Variants in CSMD1 observed in about 807,000 individuals in gnomAD.
The protein encoded by CSMD1 is CUB and Sushi multiple domains 1, also known as CUB and sushi domain-containing protein 1.
CSMD1 carries 213 observed loss-of-function variants against 417.5 expected under a neutral mutation model. That is an observed-to-expected ratio of 0.51 (90% CI 0.46 to 0.57). The LOEUF (loss-of-function observed/expected upper bound fraction) is 0.57. CSMD1 is among the 20% of genes least tolerant of loss of function. CSMD1 has a pLI of 0.00. For synonymous variants in CSMD1, 2,862 were observed against 1,736.8 expected, an observed-to-expected ratio of 1.65 and a Z score of -16.11; for missense variants, 6,923 against 4,529.7, an observed-to-expected ratio of 1.53 and a Z score of -15.17.
chr8:3,477,018 G>A (rs868237026), intron 11 of CSMD1, among the ~76,000 whole-genome samples: 2 of 152,068 alleles, frequency 1.3e-5, no homozygotes, highest in Non-Finnish European at 2.9e-5. Context: ...TGAAGGGAAT[G>A]TTCTGTGTTC....
rs181652794 is a variant in CSMD1, at chr8:4,952,883, C to G, written c.85+41449G>C. Among the ~76,000 whole-genome samples the G allele has an allele frequency of 1.0e-3, 153 of 152,150 alleles. 1 individual carries two copies. The highest frequency in any genetic ancestry group is 3.5e-3 in the African/African-American group (145 of 41,530). ...TGGATGTAGACTGTGATGTTGTTAA[C>G]AAATGTTTTTGAATGAAATCTATAC... On this transcript the variant is annotated intron_variant, in intron 1 of 69. Coordinates refer to ENST00000635120, the MANE Select transcript of CSMD1 (RefSeq NM_033225.6).
intron 10 of CSMD1, among the ~76,000 whole-genome samples, chr8:3,562,009 G>T (rs796233084): frequency 7.9e-5 from 12 of 152,186 alleles, no homozygotes; most frequent in African/African-American, 2.9e-4. Flanking sequence ...CTTTGTGAAG[G>T]AGGAGTCCTG....
chr8:4,977,633 C>T (rs1192407116), intron 1 of CSMD1, among the ~76,000 whole-genome samples: 1 of 152,204 alleles, frequency 6.6e-6, no homozygotes, highest in Non-Finnish European at 1.5e-5. Context: ...CAGCTGCTGC[C>T]TTACCCCACG....
intron 1 of CSMD1, among the ~76,000 whole-genome samples, chr8:4,982,943 T>C (rs1433609377): frequency 6.6e-6 from 1 of 152,166 alleles, no homozygotes; most frequent in Non-Finnish European, 1.5e-5. Flanking sequence ...AATCCTCTAA[T>C]GTAATTCTTT....
chr8:3,065,652 C>T (rs143732393), intron 49 of CSMD1, among the ~76,000 whole-genome samples: 1,787 of 152,158 alleles, frequency 0.012, 40 homozygotes, highest in African/African-American at 0.04. Context: ...TAAAAAATGA[C>T]AGATTGATTG....
At chr8:4,071,692 A>C (rs1440419390) in intron 3 of CSMD1, among the ~76,000 whole-genome samples, 1 of 152,114 alleles carries the variant, frequency 6.6e-6, no homozygotes, top group East Asian at 1.9e-4. Context: ...AATTTGGTTT[A>C]TTTTTGGAGA....
chr8:3,811,433 C>T (rs749991173), intron 5 of CSMD1, among the ~76,000 whole-genome samples: 1 of 152,156 alleles, frequency 6.6e-6, no homozygotes, highest in Non-Finnish European at 1.5e-5. Context: ...GTTCGACTTA[C>T]TGGGAGTGGG....
chr8:3,499,585 T>TCAAGA (rs1437527689), intron 10 of CSMD1, among the ~76,000 whole-genome samples: 1 of 151,972 alleles, frequency 6.6e-6, no homozygotes, highest in Non-Finnish European at 1.5e-5. Flanking sequence ...GGGTGCTTGT[T>TCAAGA]GGTAGTGTGC....
At chr8:3,288,367 A>T (rs1019755855) in intron 25 of CSMD1, among the ~76,000 whole-genome samples, 1 of 147,256 alleles carries the variant, frequency 6.8e-6, no homozygotes, top group Admixed American at 6.7e-5. Context: ...TAGTTTCAGA[A>T]GGAATGGTAC....
At chr8:4,433,163 C>G (rs1486873896) in intron 2 of CSMD1, among the ~76,000 whole-genome samples, 1 of 152,180 alleles carries the variant, frequency 6.6e-6, no homozygotes, top group Non-Finnish European at 1.5e-5. Context: ...CCCACTGATT[C>G]TGCATTATGG....
At chr8:3,027,673 G>C (rs1179501489) in intron 51 of CSMD1, among the ~76,000 whole-genome samples, 2 of 152,164 alleles carry the variant, frequency 1.3e-5, no homozygotes, top group Non-Finnish European at 2.9e-5. Context: ...TGTGGCCCGA[G>C]ACACCTAGAC....
chr8:3,545,699 C>A lies in CSMD1; in HGVS notation c.1344+29246G>T, dbSNP rs148268044. Among the ~76,000 whole-genome samples, 140 of 152,232 alleles carry A rather than the reference C, an allele frequency of 9.2e-4. 1 individual carries two copies. The highest frequency in any genetic ancestry group is 1.6e-3 in the Non-Finnish European group (108 of 68,020). ...TGGCAAAATTGAGGACACTTAACTG[C>A]GAATCACAGCCATTTGACAAGTAAT... On this transcript the variant is annotated intron_variant, in intron 10 of 69. Coordinates refer to ENST00000635120, the MANE Select transcript of CSMD1 (RefSeq NM_033225.6).
intron 10 of CSMD1, among the ~76,000 whole-genome samples, chr8:3,546,260 T>C (rs77389962): frequency 7.8e-6 from 1 of 128,458 alleles, no homozygotes; most frequent in Admixed American, 7.8e-5. Flanking sequence ...CGTGAATTTT[T>C]CCTCTATTAT....
chr8:3,305,605 C>A (rs1417603457), intron 25 of CSMD1, among the ~76,000 whole-genome samples: 1 of 151,760 alleles, frequency 6.6e-6, no homozygotes, highest in Non-Finnish European at 1.5e-5. Context: ...GTGGACTCAT[C>A]ATCTGCCAAT....
intron 3 of CSMD1, among the ~76,000 whole-genome samples, chr8:4,383,438 C>A (rs758904475): frequency 6.6e-6 from 1 of 152,138 alleles, no homozygotes. Flanking sequence ...AGCCAGATAC[C>A]ATGAATTTCA....
At chr8:4,209,844 G>A (rs1800203598) in intron 3 of CSMD1, among the ~76,000 whole-genome samples, 1 of 152,198 alleles carries the variant, frequency 6.6e-6, no homozygotes, top group African/African-American at 2.4e-5. Context: ...TGCAAAATAA[G>A]GAGCGGTTAA....
intron 1 of CSMD1, among the ~76,000 whole-genome samples, chr8:4,718,081 G>A (rs1808801926): frequency 1.3e-5 from 2 of 152,108 alleles, no homozygotes; most frequent in East Asian, 3.9e-4. Flanking sequence ...TGGATCAGGA[G>A]ATCCTCCCAC....
chr8:4,237,957 G>A (rs1325580243), intron 3 of CSMD1, among the ~76,000 whole-genome samples: 2 of 152,202 alleles, frequency 1.3e-5, no homozygotes, highest in African/African-American at 4.8e-5. Context: ...TCCAGGAGTT[G>A]TCTCCTGGGT....
intron 37 of CSMD1, among the ~76,000 whole-genome samples, chr8:3,178,786 A>G (rs886550203): frequency 6.6e-6 from 1 of 151,942 alleles, no homozygotes; most frequent in Non-Finnish European, 1.5e-5. Context: ...GAATTTAGAG[A>G]TTTGTAGATT....
Sources: allele counts gnomAD v4.1 joint callset (sites outside exome capture counted in the v4.1 genomes callset), GRCh38; gene constraint gnomAD v4.1.1; transcripts MANE v1.5; gene names NCBI Gene and HGNC (gene_info 2026-07-23, HGNC 2026-07-21).